Variants in LIPH observed in about 807,000 individuals in gnomAD.
LIPH encodes lipase member H.
In LIPH, 32 loss-of-function variants were observed where a neutral mutation model predicts 47.6. The observed-to-expected ratio is 0.67, with a 90% confidence interval of 0.51 to 0.90. LIPH has a LOEUF of 0.90. Ranked by LOEUF, LIPH falls within the 40% of genes least tolerant of loss-of-function variation. The probability of loss-of-function intolerance (pLI) is 0.00; values close to 1 mark genes in which losing one functional copy is unlikely to be tolerated. For missense variants in LIPH, 497 were observed against 541.4 expected (o/e 0.92, Z 0.81); for synonymous variants, 190 against 195.6 (o/e 0.97, Z 0.24).
At chr3:185,529,503 C>A (rs1720242989) in intron 3 of LIPH, among the ~76,000 whole-genome samples, 1 of 147,814 alleles carries the variant, frequency 6.8e-6, no homozygotes, top group Admixed American at 6.8e-5. Flanking sequence ...GTCTCAAACT[C>A]CTGGACTCAA....
At position 185,511,665 on chromosome 3, in the gene LIPH, A is replaced by G. The variant is rs2148946184; in HGVS notation, c.1127T>C (p.Val376Ala). ...TTGATTAAATCTTGCAAGTAGACTC[A>G]CTTGGTGATATTTCTGAAATGTGGT... ...EPTTFQKYHQVSLLARFNQDL... is the reference protein window; with the variant it reads ...EPTTFQKYHQASLLARFNQDL... The change falls in exon 9 of 10, where the codon GTG (valine) becomes GCG (alanine). Residue 376 changes from valine (V) to alanine (A), a missense_variant. Physicochemically the swap from Val to Ala is moderately conservative, Grantham distance 64 (BLOSUM62 0). Coordinates refer to ENST00000296252, the MANE Select transcript of LIPH (RefSeq NM_139248.3). 4.3e-6 allele frequency: 7 copies of G among 1,613,230 alleles called. No homozygotes were observed. Among genetic ancestry groups the G allele is most frequent in the Non-Finnish European group, 5.1e-6 (6 of 1,179,196 alleles).
At chr3:185,528,331 A>AAAGAAAGAAAG (rs1340703350) in intron 3 of LIPH, among the ~76,000 whole-genome samples, 1 of 150,748 alleles carries the variant, frequency 6.6e-6, no homozygotes, top group Non-Finnish European at 1.5e-5. Flanking sequence ...AAGAAGAAAG[A>AAAGAAAGAAAG]AAGAAAGAAA....
Position 185,543,102 on chromosome 3 carries a change from G to A in LIPH, c.50-7970C>T, listed in dbSNP as rs377699034. 2.7e-3 allele frequency among the ~76,000 whole-genome samples: 415 copies of A among 152,174 alleles called. 2 individuals are homozygous for A. Among genetic ancestry groups the A allele is most frequent in the African/African-American group, 9.6e-3 (397 of 41,506 alleles). On this transcript the variant is annotated intron_variant, in intron 1 of 9. Transcript: ENST00000296252. ...TACAAGCCTGTAATCCCCGCTACTCGGGAGGCTGAGGCAGGAGAATTGCTT... is the reference window on the plus strand; with the variant it reads ...TACAAGCCTGTAATCCCCGCTACTCAGGAGGCTGAGGCAGGAGAATTGCTT...
At chr3:185,552,399 A>G in intron 1 of LIPH, 24 bp downstream of exon 1, 1 of 1,545,466 alleles carries the variant, frequency 6.5e-7, no homozygotes, top group East Asian at 2.2e-5. Flanking sequence ...AGCAGTTAAG[A>G]AAACCAGTTT....
At position 185,519,182 on chromosome 3, in the gene LIPH, G is replaced by GAC; in HGVS notation, c.844_845dup (p.Cys284AlafsTer24). On this transcript the variant is annotated frameshift_variant, in exon 6 of 10. Coordinates refer to ENST00000296252, the MANE Select transcript of LIPH (RefSeq NM_139248.3). ...ACTCTTTTTGTGACGTGCCGCAGCT[G>GAC]ACACACTTGCCATTCCTATAATCCT... 1 of 1,614,036 alleles carries GAC rather than the reference G, an allele frequency of 6.2e-7. No individual in the cohort carries two copies. Among genetic ancestry groups the GAC allele is most frequent in the Non-Finnish European group, 8.5e-7 (1 of 1,179,916 alleles).
intron 1 of LIPH, among the ~76,000 whole-genome samples, chr3:185,549,880 A>G (rs1047754459): frequency 6.6e-6 from 1 of 152,174 alleles, no homozygotes; most frequent in Non-Finnish European, 1.5e-5. Context: ...TTTAAGATGT[A>G]GATTCCAGGA....
intron 1 of LIPH, among the ~76,000 whole-genome samples, chr3:185,551,789 A>G (rs1251441962): frequency 6.6e-6 from 1 of 152,110 alleles, no homozygotes; most frequent in Non-Finnish European, 1.5e-5. Flanking sequence ...AATACCTAAA[A>G]AGGTTGCAAA....
chr3:185,519,250 TCAGGGAAGA>T lies in LIPH; in HGVS notation c.769_777del (p.Ser257_Leu259del). On this transcript the variant is annotated inframe_deletion, in exon 6 of 10. Coordinates refer to ENST00000296252, the MANE Select transcript of LIPH (RefSeq NM_139248.3). ...TACGCAGTGATGGTGCAGCTCTCTCTCAGGGAAGACAGGTACAGGTATACAGACCTCTGG... is the reference window on the plus strand; with the variant it reads ...TACGCAGTGATGGTGCAGCTCTCTCTCAGGTACAGGTATACAGACCTCTGG... 1 of 1,613,028 alleles carries T rather than the reference TCAGGGAAGA, an allele frequency of 6.2e-7. No homozygotes were observed. Among genetic ancestry groups the T allele is most frequent in the Non-Finnish European group, 8.5e-7 (1 of 1,179,034 alleles).
chr3:185,548,779 A>C (rs1720963791), intron 1 of LIPH, among the ~76,000 whole-genome samples: 2 of 144,866 alleles, frequency 1.4e-5, no homozygotes, highest in Non-Finnish European at 1.5e-5. Flanking sequence ...ACAAAACAAA[A>C]CAAACCGCAT....
chr3:185,517,047 C>A lies in LIPH; in HGVS notation c.982+20G>T, dbSNP rs1452770126. 3.3e-6 allele frequency: 5 copies of A among 1,535,646 alleles called. No individual in the cohort carries two copies. The South Asian group carries it at 4.5e-5, about 14-fold the overall frequency. On this transcript the variant is annotated intron_variant, in intron 7 of 9. Coordinates refer to ENST00000296252, the MANE Select transcript of LIPH (RefSeq NM_139248.3). The stretch of plus-strand genomic sequence containing the variant: ...AAAATGAGAGTTAGGCAAAAGCCAA[C>A]AACCACATTCACCACTCACTGCAGA...
At chr3:185,539,520 G>A (rs1449078978) in intron 1 of LIPH, among the ~76,000 whole-genome samples, 1 of 151,220 alleles carries the variant, frequency 6.6e-6, no homozygotes, top group South Asian at 2.1e-4. Flanking sequence ...ATAGGTGCCC[G>A]CCACCACGCT....
intron 1 of LIPH, among the ~76,000 whole-genome samples, chr3:185,542,518 T>C (rs763751133): frequency 3.9e-5 from 6 of 152,028 alleles, no homozygotes; most frequent in Non-Finnish European, 7.4e-5. Flanking sequence ...GGTTTCACCA[T>C]GTTGTCCACG....
chr3:185,513,169 G>A (rs1380679635), intron 8 of LIPH, among the ~76,000 whole-genome samples: 2 of 151,906 alleles, frequency 1.3e-5, no homozygotes, highest in Admixed American at 6.6e-5. Flanking sequence ...GTGAAAACCC[G>A]TCTCTACTAA....
At chr3:185,542,035 G>A (rs536440752) in intron 1 of LIPH, among the ~76,000 whole-genome samples, 1 of 152,226 alleles carries the variant, frequency 6.6e-6, no homozygotes, top group Non-Finnish European at 1.5e-5. Context: ...GGGATTACAA[G>A]CGTGAGCCAC....
chr3:185,538,788 T>TACAC (rs1720592546), intron 1 of LIPH, among the ~76,000 whole-genome samples: 3 of 2,512 alleles, frequency 1.2e-3, no homozygotes, highest in Non-Finnish European at 7.6e-3. Context: ...CACACATATA[T>TACAC]ACATATATAC....
At chr3:185,531,029 C>T (rs1720315051) in intron 3 of LIPH, among the ~76,000 whole-genome samples, 1 of 152,100 alleles carries the variant, frequency 6.6e-6, no homozygotes, top group Non-Finnish European at 1.5e-5. Context: ...CTGTCACAGG[C>T]AGGCTTGGAC....
chr3:185,535,863 A>G (rs1720489136), intron 1 of LIPH, among the ~76,000 whole-genome samples: 1 of 152,132 alleles, frequency 6.6e-6, no homozygotes. Flanking sequence ...TCGGCCTCCC[A>G]AGGTGCTGGG....
chr3:185,508,735 A>G lies in LIPH; in HGVS notation c.*55T>C. ...GAAAGGTGAGGTGAAGCTTTCAAAC[A>G]GCCTGTGGTTGTAGCTTTCTTTCTA... On this transcript the variant is annotated 3_prime_UTR_variant, in exon 10 of 10. Coordinates refer to ENST00000296252, the MANE Select transcript of LIPH (RefSeq NM_139248.3). The G allele has an allele frequency of 1.6e-6, 2 of 1,277,486 alleles. No homozygotes were observed. The highest frequency in any genetic ancestry group is 2.3e-6 in the Non-Finnish European group (2 of 873,192). The allele number at this position is 1,277,486 out of a possible 1,614,324, so 79.1% of individuals were successfully genotyped here.
intron 5 of LIPH, among the ~76,000 whole-genome samples, chr3:185,522,439 AAAGG>A (rs147923310): frequency 3.2e-4 from 48 of 151,596 alleles, no homozygotes; most frequent in East Asian, 1.4e-3. Context: ...GAAAGAAGAG[AAAGG>A]AAGGAAGGAA....
Sources: allele counts gnomAD v4.1 joint callset (sites outside exome capture counted in the v4.1 genomes callset), GRCh38; gene constraint gnomAD v4.1.1; transcripts MANE v1.5; gene names NCBI Gene and HGNC (gene_info 2026-07-23, HGNC 2026-07-21).